The following NOS1 variants were observed in gnomAD, a reference collection of about 807,000 sequenced individuals.
NOS1 encodes NOS type I.
In NOS1, 51 loss-of-function variants were observed where a neutral mutation model predicts 164.5. The observed-to-expected ratio is 0.31, with a 90% CI of 0.25 to 0.39. The LOEUF (loss-of-function observed/expected upper bound fraction) is 0.39, where lower values mean the gene tolerates loss of function less well. NOS1 is among the 10% of genes least tolerant of loss of function. The pLI is 1.00. For missense variants in NOS1, 1,362 were observed against 1,885.6 expected, an observed-to-expected ratio of 0.72 and a Z score of 5.14; for synonymous variants, 719 against 745.8, an observed-to-expected ratio of 0.96 and a Z score of 0.59.
intron 1 of NOS1, among the ~76,000 whole-genome samples, chr12:117,340,643 C>T (rs1352344938): frequency 6.6e-6 from 1 of 152,174 alleles, no homozygotes; most frequent in Non-Finnish European, 1.5e-5. Flanking sequence ...GATTCTCCTG[C>T]CTCAGCCTCC....
At chr12:117,295,137 T>A (rs770591640) in intron 3 of NOS1, among the ~76,000 whole-genome samples, 13 of 152,174 alleles carry the variant, frequency 8.5e-5, no homozygotes, top group Non-Finnish European at 1.6e-4. Flanking sequence ...GGACTAGTAT[T>A]CTAGGACTCA....
Position 117,209,249 on chromosome 12 carries a change from CTGATGACATACT to C in NOS1, c.*6048_*6059del. On this transcript the variant is annotated 3_prime_UTR_variant, in exon 29 of 29. Coordinates refer to ENST00000317775, the MANE Select transcript of NOS1 (RefSeq NM_000620.5). ...GCCCCCTGGGGACATTGGGCAATGT[CTGATGACATACT>C]TGATTGTTACCGTTGGCAGGACACT... 7.1e-6 allele frequency: 7 copies of C among 980,408 alleles called. No individual in the cohort carries two copies. The South Asian group carries it at 2.4e-4, about 33-fold the overall frequency. 60.7% of individuals were successfully genotyped at this position (980,408 alleles called of 1,614,324 possible).
chr12:117,255,974 T>A, intron 16 of NOS1: 1 of 1,486,518 alleles, frequency 6.7e-7, no homozygotes, highest in Non-Finnish European at 8.9e-7. Flanking sequence ...GACCGTGGAC[T>A]TCTGTGTCAC....
At position 117,260,530 on chromosome 12, in the gene NOS1, T is replaced by C; in HGVS notation, c.2302A>G (p.Thr768Ala). ...VKATILYATE[T>A]GKSQAYAKTL... is the part of the protein sequence containing the mutation. ...TTGGCATAAGCTTGCGATTTGCCTG[T>C]CTCTGTGGCATAGAGGATGGTCGCT... The change falls in exon 14 of 29, where the codon ACA becomes GCA. Residue 768 changes from threonine (T) to alanine (A), a missense_variant. Around this residue, in one of 4 missense-constraint regions of NOS1, gnomAD observed 737 missense variants for 1,030.3 expected, o/e 0.72. Transcript: ENST00000317775. 1 of 1,614,190 alleles carries C rather than the reference T, an allele frequency of 6.2e-7. No individual in the cohort carries two copies. The highest frequency in any genetic ancestry group is 8.5e-7 in the Non-Finnish European group (1 of 1,180,040).
chr12:117,236,587 T>C (rs1273839746), intron 20 of NOS1, among the ~76,000 whole-genome samples: 1 of 152,070 alleles, frequency 6.6e-6, no homozygotes, highest in African/African-American at 2.4e-5. Context: ...CTCACACCAG[T>C]CTTTGGTTCC....
chr12:117,220,998 C>T (rs567517208), intron 26 of NOS1, among the ~76,000 whole-genome samples: 12 of 152,092 alleles, frequency 7.9e-5, no homozygotes, highest in Admixed American at 3.3e-4. Flanking sequence ...CTCTGAGTGC[C>T]CCCCCAACCT....
At chr12:117,270,901 G>A (rs1455543008) in intron 10 of NOS1, among the ~76,000 whole-genome samples, 1 of 152,050 alleles carries the variant, frequency 6.6e-6, no homozygotes, top group Non-Finnish European at 1.5e-5. Flanking sequence ...AAATTAGCCA[G>A]GTGTGGTGGT....
intron 1 of NOS1, among the ~76,000 whole-genome samples, chr12:117,345,712 G>A (rs188430918): frequency 1.3e-5 from 2 of 152,306 alleles, no homozygotes; most frequent in East Asian, 3.9e-4. Context: ...TTAACACTTA[G>A]GGCTGGGCTC....
chr12:117,311,605 G>T lies in NOS1; in HGVS notation c.726-13C>A, dbSNP rs773925189. The T allele has an allele frequency of 5.1e-5, 82 of 1,606,508 alleles. No homozygotes were observed. Among genetic ancestry groups the T allele is most frequent in the Non-Finnish European group, 6.6e-5 (78 of 1,176,000 alleles). ...GCCGTCCAAATCTCTGAAAGGCAAG[G>T]TGGGGCAGGTGAGGAAGGGGACATC... On this transcript the variant is annotated splice_polypyrimidine_tract_variant and intron_variant, in intron 2 of 28. Transcript: ENST00000317775.
chr12:117,323,124 A>G (rs938567119), intron 2 of NOS1, among the ~76,000 whole-genome samples: 1 of 152,186 alleles, frequency 6.6e-6, no homozygotes, highest in African/African-American at 2.4e-5. Context: ...CCATGGGATA[A>G]GCCTGCCCGC....
At chr12:117,239,503 G>A (rs535815844) in intron 20 of NOS1, among the ~76,000 whole-genome samples, 7 of 152,216 alleles carry the variant, frequency 4.6e-5, no homozygotes, top group Admixed American at 3.9e-4. Context: ...TGGTGACTGC[G>A]GTCACTTTTC....
At position 117,232,095 on chromosome 12, in the gene NOS1, G is replaced by A. The variant is rs375371439; in HGVS notation, c.3272C>T (p.Pro1091Leu). Residue 1091 changes from proline to leucine, a missense_variant, in exon 22 of 29, where the codon CCG (proline) becomes CTG (leucine). Coordinates refer to ENST00000317775, the MANE Select transcript of NOS1 (RefSeq NM_000620.5). ...GAAGGCCTGGAAGATGGTGCAGGGC[G>A]GGAGGCGGAGCTCGTCTGTCCAGTT... is the stretch of plus-strand genomic sequence containing the variant. ...ISNWTDELRL[P>L]PCTIFQAFKY... 1.2e-5 allele frequency: 19 copies of A among 1,611,982 alleles called. No individual in the cohort carries two copies. Among genetic ancestry groups the A allele is most frequent in the Middle Eastern group, 2.2e-4 (1 of 4,500 alleles).
chr12:117,225,181 C>G, intron 24 of NOS1, 44 bp from the exon 25 acceptor site: 1 of 1,577,108 alleles, frequency 6.3e-7, no homozygotes, highest in Non-Finnish European at 8.6e-7. Context: ...GAGCTCAAAT[C>G]CAATCAAGAA....
At chr12:117,225,336 C>A (rs1342371326) in intron 24 of NOS1, among the ~76,000 whole-genome samples, 199 bp from the exon 25 acceptor site, 1 of 152,176 alleles carries the variant, frequency 6.6e-6, no homozygotes, top group Non-Finnish European at 1.5e-5. Context: ...TCCTCAAGTT[C>A]TGGCTATTTC....
chr12:117,215,218 G>T lies in NOS1; in HGVS notation c.*91C>A. On this transcript the variant is annotated 3_prime_UTR_variant, in exon 29 of 29. Transcript: ENST00000317775. Reference sequence around the variant, plus strand: ...GGCACAGCGACAAGGACAGGAGGCAGAGCGAGGGCCACAGGGGGTCCCAGA... The same window carrying T: ...GGCACAGCGACAAGGACAGGAGGCATAGCGAGGGCCACAGGGGGTCCCAGA... 1 of 1,398,374 alleles carries T rather than the reference G, an allele frequency of 7.2e-7. No individual in the cohort carries two copies. Among genetic ancestry groups the T allele is most frequent in the Non-Finnish European group, 9.4e-7 (1 of 1,065,790 alleles). The allele number at this position is 1,398,374 out of a possible 1,614,324, so 86.6% of individuals were successfully genotyped here. A position where few individuals can be genotyped will look rare whatever the true frequency, so the allele number is the denominator to read the frequency against.
intron 1 of NOS1, among the ~76,000 whole-genome samples, chr12:117,332,738 G>A (rs879833454): frequency 7.2e-5 from 11 of 152,086 alleles, no homozygotes; most frequent in East Asian, 5.8e-4. Flanking sequence ...GGTGGCGGGT[G>A]CCTGTAATCC....
chr12:117,359,911 T>C (rs1271437056), intron 1 of NOS1, among the ~76,000 whole-genome samples: 1 of 64,940 alleles, frequency 1.5e-5, no homozygotes, highest in Non-Finnish European at 3.0e-5. Flanking sequence ...TATATATATA[T>C]ATATATATAT....
At chr12:117,296,332 C>T (rs181265083) in intron 3 of NOS1, among the ~76,000 whole-genome samples, 78 of 152,230 alleles carry the variant, frequency 5.1e-4, no homozygotes, top group African/African-American at 1.4e-3. Flanking sequence ...TGAGTGTGTC[C>T]GTGAGGGTGT....
intron 21 of NOS1, among the ~76,000 whole-genome samples, chr12:117,232,710 C>T (rs1035898604): frequency 6.6e-5 from 10 of 152,130 alleles, no homozygotes; most frequent in Non-Finnish European, 1.0e-4. Context: ...TGGCTTCAGA[C>T]GTTGTTCTAA....
Sources: gnomAD v4.1 joint callset for allele counts (sites outside exome capture counted in the v4.1 genomes callset) on GRCh38, gnomAD v4.1.1 for gene constraint, gnomAD v4.1.1 regional missense constraint, MANE v1.5 for transcripts, NCBI Gene and HGNC (gene_info 2026-07-23, HGNC 2026-07-21) for gene names.